The following HGSNAT variants were observed in gnomAD, a reference collection of about 807,000 sequenced individuals.
HGSNAT encodes transmembrane protein 76.
Under a neutral mutation model 85.2 loss-of-function variants are expected in HGSNAT, and 59 were observed. The observed-to-expected ratio is 0.69, with a 90% CI of 0.56 to 0.86. The LOEUF (loss-of-function observed/expected upper bound fraction) is 0.86. HGSNAT is among the 40% of genes least tolerant of loss of function. The probability of loss-of-function intolerance (pLI) is 0.00; values close to 1 mark genes in which losing one functional copy is unlikely to be tolerated. For synonymous variants in HGSNAT, 321 were observed against 304.5 expected (o/e 1.05, Z -0.56); for missense variants, 756 against 777.1 (o/e 0.97, Z 0.32).
At position 43,182,158 on chromosome 8, in the gene HGSNAT, G is replaced by C. The variant is rs1173164012; in HGVS notation, c.1026G>C (p.Lys342Asn). Reference sequence around the variant, plus strand: ...TGTCTTTTGCAGTGTCTTGGGACAAGGTGCGCATTCCTGGTGTGCTGCAGC... The same window carrying C: ...TGTCTTTTGCAGTGTCTTGGGACAACGTGCGCATTCCTGGTGTGCTGCAGC... ...NYCLGPLSWDKVRIPGVLQRL... is the reference protein window; with the variant it reads ...NYCLGPLSWDNVRIPGVLQRL... The change falls in exon 11 of 18, where the codon AAG (lysine) becomes AAC (asparagine). Residue 342 changes from lysine (K) to asparagine (N), a missense_variant. Lys to Asn is a moderately conservative substitution (Grantham distance 94, BLOSUM62 0). Coordinates refer to ENST00000379644, the MANE Select transcript of HGSNAT (RefSeq NM_152419.3). 2 of 1,613,772 alleles carry C rather than the reference G, an allele frequency of 1.2e-6. No homozygotes were observed. The highest frequency in any genetic ancestry group is 3.3e-5 in the Admixed American group (2 of 60,006).
At chr8:43,156,014 A>G (rs779795322) in intron 2 of HGSNAT, among the ~76,000 whole-genome samples, 5 of 151,818 alleles carry the variant, frequency 3.3e-5, no homozygotes, top group Non-Finnish European at 7.4e-5. Context: ...CTAATTTTGT[A>G]TTTTTAGTAG....
chr8:43,179,530 G>C (rs1353471849), intron 10 of HGSNAT, among the ~76,000 whole-genome samples: 1 of 131,286 alleles, frequency 7.6e-6, no homozygotes, highest in Non-Finnish European at 1.6e-5. Context: ...GGGGCGGCTG[G>C]CCGACCCCCC....
chr8:43,185,772 G>A (rs1199226128), intron 11 of HGSNAT, among the ~76,000 whole-genome samples: 2 of 152,172 alleles, frequency 1.3e-5, no homozygotes, highest in Non-Finnish European at 2.9e-5. Context: ...TTGGCTGTGG[G>A]TTTGTCATAA....
rs761616926 is a variant in HGSNAT at position 43,161,429 on chromosome 8, T to G, written c.494-9T>G. ...TTGGGGGCTAATGTGTTTTCTTCTCTTTTTCTAGCTGTGAGCATTGCATTC... is the reference window on the plus strand; with the variant it reads ...TTGGGGGCTAATGTGTTTTCTTCTCGTTTTCTAGCTGTGAGCATTGCATTC... On this transcript the variant is annotated splice_polypyrimidine_tract_variant and intron_variant, in intron 4 of 17. Coordinates refer to ENST00000379644, the MANE Select transcript of HGSNAT (RefSeq NM_152419.3). The G allele has an allele frequency of 6.2e-7, 1 of 1,612,208 alleles. No individual in the cohort carries two copies. The highest frequency in any genetic ancestry group is 1.1e-5 in the South Asian group (1 of 90,872).
intron 1 of HGSNAT, among the ~76,000 whole-genome samples, chr8:43,141,231 C>T (rs987534137): frequency 2.0e-5 from 3 of 152,146 alleles, no homozygotes; most frequent in Admixed American, 2.0e-4. Flanking sequence ...AGCCCGGTCC[C>T]GGGCGAGCCC....
At position 43,178,213 on chromosome 8, in the gene HGSNAT, C is replaced by A. The variant is rs868865066; in HGVS notation, c.991C>A (p.Pro331Thr). 3 of 1,550,376 alleles carry A rather than the reference C, an allele frequency of 1.9e-6. No homozygotes were observed. Among genetic ancestry groups the A allele is most frequent in the Middle Eastern group, 3.5e-4 (2 of 5,754 alleles). The change falls in exon 10 of 18, where the codon CCC becomes ACC. Residue 331 changes from proline (P) to threonine (T), a missense_variant. Transcript: ENST00000379644. ...CTGCATAGGAATTATCATTGTGAATCCCAATTATTGCCTTGGTCCATGTAA... is the reference window on the plus strand; with the variant it reads ...CTGCATAGGAATTATCATTGTGAATACCAATTATTGCCTTGGTCCATGTAA... Reference protein sequence around the residue: ...LICIGIIIVNPNYCLGPLSWD... With the variant: ...LICIGIIIVNTNYCLGPLSWD...
chr8:43,192,916 C>T (rs1242548229), intron 13 of HGSNAT, among the ~76,000 whole-genome samples: 3 of 152,218 alleles, frequency 2.0e-5, no homozygotes, highest in South Asian at 2.1e-4. Context: ...GCAGTCCTTG[C>T]GGGGGAATAA....
chr8:43,190,104 T>C (rs966292238), intron 11 of HGSNAT, among the ~76,000 whole-genome samples: 5 of 152,222 alleles, frequency 3.3e-5, no homozygotes, highest in Non-Finnish European at 7.3e-5. Flanking sequence ...GTGATGGTAT[T>C]GTGCTTGGCT....
At chr8:43,147,598 A>G (rs1229255814) in intron 2 of HGSNAT, among the ~76,000 whole-genome samples, 1 of 152,254 alleles carries the variant, frequency 6.6e-6, no homozygotes, top group African/African-American at 2.4e-5. Context: ...TGTCCTTTGC[A>G]GCAACATGGA....
chr8:43,177,118 G>A (rs1803836198), intron 9 of HGSNAT, among the ~76,000 whole-genome samples: 1 of 152,124 alleles, frequency 6.6e-6, no homozygotes, highest in Non-Finnish European at 1.5e-5. Flanking sequence ...AGGCATCCTT[G>A]TCATGTTCCA....
At chr8:43,174,815 T>C (rs1356604013) in intron 9 of HGSNAT, among the ~76,000 whole-genome samples, 1 of 152,220 alleles carries the variant, frequency 6.6e-6, no homozygotes, top group Non-Finnish European at 1.5e-5. Flanking sequence ...AGTAAATTAT[T>C]GTTGACTGTA....
intron 11 of HGSNAT, among the ~76,000 whole-genome samples, chr8:43,184,052 T>C (rs995026664): frequency 6.6e-6 from 1 of 152,240 alleles, no homozygotes; most frequent in African/African-American, 2.4e-5. Flanking sequence ...GCATTTGGGT[T>C]GGTTCCAAGT....
chr8:43,192,443 C>A lies in HGSNAT; in HGVS notation c.1377+13C>A. ...CCCATCTTCTGCTGTGAGTGAGACT[C>A]GAGTTCGCTTAGAACTGGAACTCAG... On this transcript the variant is annotated intron_variant, in intron 13 of 17. Transcript: ENST00000379644. 2 of 1,599,344 alleles carry A rather than the reference C, an allele frequency of 1.3e-6. No individual in the cohort carries two copies. The highest frequency in any genetic ancestry group is 1.1e-5 in the South Asian group (1 of 88,802).
intron 14 of HGSNAT, chr8:43,196,562 C>A: frequency 7.9e-7 from 1 of 1,258,024 alleles, no homozygotes; most frequent in Non-Finnish European, 1.0e-6. Flanking sequence ...CCTCCTTTCC[C>A]CATGACCTGG....
Position 43,182,166 on chromosome 8 carries a change from T to TTCCTTG in HGSNAT, c.1038_1039insTGTCCT (p.Pro346_Gly347insCysPro). On this transcript the variant is annotated inframe_insertion, in exon 11 of 18. Coordinates refer to ENST00000379644, the MANE Select transcript of HGSNAT (RefSeq NM_152419.3). ...GCAGTGTCTTGGGACAAGGTGCGCA[T>TTCCTTG]TCCTGGTGTGCTGCAGCGATTGGGA... 1 of 1,613,988 alleles carries TTCCTTG rather than the reference T, an allele frequency of 6.2e-7. No homozygotes were observed. The highest frequency in any genetic ancestry group is 1.3e-5 in the African/African-American group (1 of 75,052).
chr8:43,141,475 A>T (rs1478460676), intron 1 of HGSNAT, among the ~76,000 whole-genome samples: 2 of 152,046 alleles, frequency 1.3e-5, no homozygotes, highest in Non-Finnish European at 2.9e-5. Context: ...CCAGGTCTCC[A>T]TCTAGACCCC....
intron 14 of HGSNAT, among the ~76,000 whole-genome samples, chr8:43,194,986 T>A (rs1283090304): frequency 6.6e-6 from 1 of 152,132 alleles, no homozygotes; most frequent in Non-Finnish European, 1.5e-5. Flanking sequence ...TTTTTTCTCC[T>A]CTGTGCTATC....
intron 1 of HGSNAT, among the ~76,000 whole-genome samples, chr8:43,144,324 CAA>C (rs1398224071): frequency 3.7e-4 from 24 of 64,944 alleles, no homozygotes; most frequent in Admixed American, 1.1e-3. Context: ...GACTCTGTCT[CAA>C]AAAAAAAAAA....
intron 2 of HGSNAT, among the ~76,000 whole-genome samples, chr8:43,149,140 A>AATAT (rs1360634710): frequency 6.6e-6 from 1 of 151,500 alleles, no homozygotes; most frequent in Non-Finnish European, 1.5e-5. Flanking sequence ...TAAATAAATA[A>AATAT]ATAAATAAAG....
Sources: allele counts gnomAD v4.1 joint callset (sites outside exome capture counted in the v4.1 genomes callset), GRCh38; gene constraint gnomAD v4.1.1; transcripts MANE v1.5; gene names NCBI Gene and HGNC (gene_info 2026-07-23, HGNC 2026-07-21).